The following ITPR1 variants were observed in gnomAD, a reference collection of about 807,000 sequenced individuals.
The protein encoded by ITPR1 is inositol 1,4,5-trisphosphate receptor type 1.
ITPR1 carries 96 observed loss-of-function variants against 318.4 expected under a neutral mutation model. The ratio of observed to expected loss-of-function variants is 0.30; its 90% confidence interval spans 0.26 to 0.36. The LOEUF (loss-of-function observed/expected upper bound fraction) is 0.36, where lower values mean the gene tolerates loss of function less well. ITPR1 is among the 10% of genes least tolerant of loss of function. ITPR1 has a pLI of 1.00. For missense variants in ITPR1, 2,440 were observed against 3,460.2 expected (o/e 0.71, Z 7.40); for synonymous variants, 1,312 against 1,289.9 (o/e 1.02, Z -0.37).
chr3:4,696,673 GTTTTTTT>G (rs10546052), intron 33 of ITPR1, among the ~76,000 whole-genome samples: 2 of 117,248 alleles, frequency 1.7e-5, no homozygotes, highest in African/African-American at 6.3e-5. Context: ...CTTGCCGTGT[GTTTTTTT>G]TTTTTTTTTT....
intron 61 of ITPR1, among the ~76,000 whole-genome samples, chr3:4,845,255 A>G (rs763808670): frequency 6.6e-6 from 1 of 152,232 alleles, no homozygotes; most frequent in African/African-American, 2.4e-5. Flanking sequence ...ATTTTCTTGA[A>G]TATATATTCC....
intron 31 of ITPR1, 127 bp from the exon 32 acceptor site, chr3:4,691,017 C>T (rs866421558): frequency 1.8e-6 from 1 of 540,752 alleles, no homozygotes; most frequent in Middle Eastern, 3.0e-4. Context: ...ATGAGAGAAA[C>T]ATATCTTCAT....
chr3:4,803,443 C>G (rs1299913106), intron 54 of ITPR1, among the ~76,000 whole-genome samples: 1 of 152,110 alleles, frequency 6.6e-6, no homozygotes, highest in African/African-American at 2.4e-5. Flanking sequence ...TGAAGTCATG[C>G]AAAGATTTAG....
intron 10 of ITPR1, among the ~76,000 whole-genome samples, chr3:4,651,156 G>A (rs921764800): frequency 6.6e-6 from 1 of 152,166 alleles, no homozygotes; most frequent in Non-Finnish European, 1.5e-5. Flanking sequence ...TCCCAGCCCT[G>A]TGTGCGCTCT....
At chr3:4,579,076 T>G (rs986512638) in intron 4 of ITPR1, among the ~76,000 whole-genome samples, 1 of 152,238 alleles carries the variant, frequency 6.6e-6, no homozygotes, top group Non-Finnish European at 1.5e-5. Context: ...ATTTGGGTAT[T>G]GACTTAACGT....
At chr3:4,845,958 CA>C in intron 61 of ITPR1, among the ~76,000 whole-genome samples, 180 bp from the exon 62 acceptor site, 1 of 152,186 alleles carries the variant, frequency 6.6e-6, no homozygotes, top group Admixed American at 6.5e-5. Flanking sequence ...CAGAATTTCC[CA>C]TTCTGCCTAA....
intron 58 of ITPR1, 47 bp downstream of exon 58, chr3:4,814,609 T>TGGGGGGGGGGGGGGGG: frequency 2.2e-6 from 1 of 458,442 alleles, no homozygotes; most frequent in Non-Finnish European, 3.9e-6. Context: ...GCGGGTGGGG[T>TGGGGGGGGGGGGGGGG]GGTTGGTGGG....
intron 34 of ITPR1, among the ~76,000 whole-genome samples, chr3:4,698,764 T>A (rs2094597563): frequency 6.6e-6 from 1 of 152,254 alleles, no homozygotes; most frequent in African/African-American, 2.4e-5. Flanking sequence ...TGAGAGTCTC[T>A]TAGAACACTT....
chr3:4,637,032 G>T (rs2093211702), intron 5 of ITPR1, among the ~76,000 whole-genome samples: 1 of 152,216 alleles, frequency 6.6e-6, no homozygotes, highest in Non-Finnish European at 1.5e-5. Context: ...AGAGTAAGGG[G>T]AATGCTCATG....
chr3:4,674,346 AACTC>A lies in ITPR1; in HGVS notation c.2598+5_2598+8del. On this transcript the variant is annotated splice_donor_5th_base_variant and intron_variant, in intron 22 of 61. Coordinates refer to ENST00000649015, the MANE Select transcript of ITPR1 (RefSeq NM_001378452.1). Reference sequence around the variant, plus strand: ...AGAAGAATAAGCTTACGTTTGAGGTAACTCATGATGAAATCTTCTATGTGTATTA... The same window carrying A: ...AGAAGAATAAGCTTACGTTTGAGGTAATGATGAAATCTTCTATGTGTATTA... 2 of 1,604,324 alleles carry A rather than the reference AACTC, an allele frequency of 1.2e-6. No individual in the cohort carries two copies. The highest frequency in any genetic ancestry group is 1.7e-6 in the Non-Finnish European group (2 of 1,175,562).
In ITPR1 at chr3:4,511,820, A is replaced by G. The variant is rs2081849621; in HGVS notation, c.-16-4656A>G. Among the ~76,000 whole-genome samples the G allele has an allele frequency of 2.0e-5, 3 of 152,096 alleles. No individual in the cohort carries two copies. The South Asian group carries it at 6.2e-4, about 32-fold the overall frequency. On this transcript the variant is annotated intron_variant, in intron 2 of 61. Coordinates refer to ENST00000649015, the MANE Select transcript of ITPR1 (RefSeq NM_001378452.1). ...CTTTTGAGGTCATTCTGCGTCAGGA[A>G]TTGCGGGGAGGATGGTGATGCTTTG...
intron 36 of ITPR1, among the ~76,000 whole-genome samples, chr3:4,705,195 G>T (rs1260358596): frequency 6.6e-6 from 1 of 152,056 alleles, no homozygotes; most frequent in African/African-American, 2.4e-5. Flanking sequence ...TTCCCATATG[G>T]AAAAGAGTGA....
chr3:4,693,831 G>A, intron 33 of ITPR1, 90 bp downstream of exon 33: 2 of 1,403,790 alleles, frequency 1.4e-6, no homozygotes, highest in Non-Finnish European at 1.9e-6. Context: ...TGGCTGGCCT[G>A]GGGGAGCCCT....
At chr3:4,651,783 G>A (rs2093604393) in intron 10 of ITPR1, among the ~76,000 whole-genome samples, 1 of 152,224 alleles carries the variant, frequency 6.6e-6, no homozygotes, top group Non-Finnish European at 1.5e-5. Context: ...TGCTTTGACA[G>A]TTCTCCACGA....
intron 44 of ITPR1, among the ~76,000 whole-genome samples, chr3:4,738,363 G>T (rs1044243824): frequency 1.3e-5 from 2 of 152,208 alleles, no homozygotes; most frequent in African/African-American, 2.4e-5. Flanking sequence ...AGGGGTGGGG[G>T]TGAGGGACAG....
At chr3:4,664,106 T>A (rs796726517) in intron 16 of ITPR1, among the ~76,000 whole-genome samples, 5 of 152,340 alleles carry the variant, frequency 3.3e-5, no homozygotes, top group African/African-American at 9.6e-5. Context: ...TAAAGTTCAA[T>A]GTGACCTTAA....
chr3:4,569,164 G>T (rs73807293), intron 4 of ITPR1, among the ~76,000 whole-genome samples: 2 of 152,104 alleles, frequency 1.3e-5, no homozygotes, highest in Non-Finnish European at 2.9e-5. Context: ...TCTTCAAGGC[G>T]CATGGACTTT....
At chr3:4,571,807 CAGAACTGGGACTGCTAGATGTT>C (rs1209140610) in intron 4 of ITPR1, among the ~76,000 whole-genome samples, 1 of 152,166 alleles carries the variant, frequency 6.6e-6, no homozygotes, top group Admixed American at 6.5e-5. Context: ...CAGGTCTCAC[CAGAACTGGGACTGCTAGATGTT>C]AGACTTTGAG....
intron 61 of ITPR1, among the ~76,000 whole-genome samples, chr3:4,838,759 G>A (rs903138926): frequency 1.3e-5 from 2 of 152,176 alleles, no homozygotes; most frequent in African/African-American, 2.4e-5. Flanking sequence ...CACACTTGGA[G>A]GCTCTTTGGG....
Sources: gnomAD v4.1 joint callset for allele counts (sites outside exome capture counted in the v4.1 genomes callset) on GRCh38, gnomAD v4.1.1 for gene constraint, MANE v1.5 for transcripts, NCBI Gene and HGNC (gene_info 2026-07-23, HGNC 2026-07-21) for gene names.